The following PTPRG variants were observed in gnomAD, a reference collection of about 807,000 sequenced individuals.
The protein encoded by PTPRG is protein tyrosine phosphatase receptor type G, also known as receptor-type tyrosine-protein phosphatase gamma.
A neutral mutation model predicts 165.3 loss-of-function variants in PTPRG; 102 were observed. That is an observed-to-expected ratio of 0.62 (90% CI 0.53 to 0.73). The LOEUF (loss-of-function observed/expected upper bound fraction) is 0.73. Ranked by LOEUF, PTPRG falls within the 30% of genes least tolerant of loss-of-function variation. The probability of loss-of-function intolerance (pLI) is 0.00; values close to 1 mark genes in which losing one functional copy is unlikely to be tolerated. For synonymous variants in PTPRG, 675 were observed against 669.5 expected, an observed-to-expected ratio of 1.01 and a Z score of -0.13; for missense variants, 1,866 against 1,861.4, an observed-to-expected ratio of 1.00 and a Z score of -0.05.
At chr3:62,285,496 C>A (rs914441697) in intron 28 of PTPRG, among the ~76,000 whole-genome samples, 3 of 111,388 alleles carry the variant, frequency 2.7e-5, no homozygotes, top group African/African-American at 1.1e-4. Flanking sequence ...CTTTTTAACA[C>A]CTACTTTTGG....
intron 19 of PTPRG, 147 bp downstream of exon 19, chr3:62,267,966 C>G (rs1304955876): frequency 2.1e-6 from 2 of 974,204 alleles, no homozygotes; most frequent in Admixed American, 5.4e-5. Context: ...GCTTATGATT[C>G]AGAAGGAAAG....
At chr3:61,692,219 T>A (rs996135974) in intron 1 of PTPRG, among the ~76,000 whole-genome samples, 4 of 152,258 alleles carry the variant, frequency 2.6e-5, no homozygotes, top group African/African-American at 4.8e-5. Flanking sequence ...GCATTCCTTT[T>A]GTTTGGATGC....
chr3:62,181,193 A>G (rs1470648475), intron 8 of PTPRG, among the ~76,000 whole-genome samples: 1 of 152,192 alleles, frequency 6.6e-6, no homozygotes, highest in Non-Finnish European at 1.5e-5. Context: ...ACTTAGGAGA[A>G]TCTGGGGGCA....
intron 1 of PTPRG, among the ~76,000 whole-genome samples, chr3:61,602,280 A>G (rs564743074): frequency 6.6e-6 from 1 of 152,086 alleles, no homozygotes; most frequent in South Asian, 2.1e-4. Flanking sequence ...CATAGCTTAC[A>G]TGTGTTGATT....
At chr3:61,910,030 CT>C (rs1475826058) in intron 2 of PTPRG, among the ~76,000 whole-genome samples, 4 of 152,064 alleles carry the variant, frequency 2.6e-5, no homozygotes, top group Non-Finnish European at 4.4e-5. Context: ...ATATTCCATT[CT>C]TTTTTCCCCA....
At chr3:61,694,770 C>T (rs2030461503) in intron 1 of PTPRG, among the ~76,000 whole-genome samples, 1 of 152,166 alleles carries the variant, frequency 6.6e-6, no homozygotes, top group African/African-American at 2.4e-5. Context: ...GATTTTCCAT[C>T]TATATACTGA....
intron 2 of PTPRG, among the ~76,000 whole-genome samples, chr3:61,906,885 G>C (rs1036826542): frequency 6.6e-6 from 1 of 152,046 alleles, no homozygotes; most frequent in Non-Finnish European, 1.5e-5. Flanking sequence ...TTAAAACGCT[G>C]TCTGACTACT....
chr3:62,163,862 T>A (rs2106720058), intron 7 of PTPRG, among the ~76,000 whole-genome samples: 1 of 152,302 alleles, frequency 6.6e-6, no homozygotes, highest in East Asian at 1.9e-4. Flanking sequence ...TTGACCAAGG[T>A]CACACATTTA....
At position 62,245,397 on chromosome 3, in the gene PTPRG, C is replaced by T. The variant is rs1279014065; in HGVS notation, c.2467+1499C>T. On this transcript the variant is annotated intron_variant, in intron 15 of 29. Transcript: ENST00000474889. This position sits in a 1 kb window ranked among gnomAD's most constrained non-coding sequence, Gnocchi z 4.2. ...AATATGTGTTGACCACTGGAAAATTCCTGGCAGCCTTTCTCCCCTCTGACC... is the reference window on the plus strand; with the variant it reads ...AATATGTGTTGACCACTGGAAAATTTCTGGCAGCCTTTCTCCCCTCTGACC... Among the ~76,000 whole-genome samples the T allele has an allele frequency of 6.6e-6, 1 of 152,186 alleles. No individual in the cohort carries two copies. Among genetic ancestry groups the T allele is most frequent in the Non-Finnish European group, 1.5e-5 (1 of 68,034 alleles).
At chr3:62,004,620 C>T (rs1228813506) in intron 4 of PTPRG, among the ~76,000 whole-genome samples, 1 of 152,202 alleles carries the variant, frequency 6.6e-6, no homozygotes, top group East Asian at 1.9e-4. Context: ...ACTGCAGCAC[C>T]CGATTAAAGC....
intron 2 of PTPRG, among the ~76,000 whole-genome samples, chr3:61,987,384 G>A (rs2040786417): frequency 6.6e-6 from 1 of 152,154 alleles, no homozygotes. Context: ...GTGATAAATT[G>A]TATTTTACCC....
chr3:61,642,817 A>G (rs199654269), intron 1 of PTPRG, among the ~76,000 whole-genome samples: 8 of 152,310 alleles, frequency 5.3e-5, no homozygotes, highest in South Asian at 4.1e-4. Flanking sequence ...GAAATAGACA[A>G]TTGCCATTTT....
chr3:61,899,387 G>C lies in PTPRG; in HGVS notation c.191-90238G>C, dbSNP rs72882263. Among the ~76,000 whole-genome samples, 451 of 152,286 alleles carry C rather than the reference G, an allele frequency of 3.0e-3. 1 individual carries two copies. The highest frequency in any genetic ancestry group is 0.01 in the African/African-American group (422 of 41,554). ...ATATTTTTAGGTAAAAGGAACGTAAGGGAAATATTTTCAGGAAAAAATCCA... is the reference window on the plus strand; with the variant it reads ...ATATTTTTAGGTAAAAGGAACGTAACGGAAATATTTTCAGGAAAAAATCCA... On this transcript the variant is annotated intron_variant, in intron 2 of 29. Transcript: ENST00000474889.
chr3:61,680,847 G>C (rs1471312423), intron 1 of PTPRG, among the ~76,000 whole-genome samples: 1 of 115,452 alleles, frequency 8.7e-6, no homozygotes, highest in African/African-American at 2.9e-5. Context: ...TGTGTAACTT[G>C]CTGGGTGTTG....
chr3:61,725,990 T>C (rs2032240703), intron 1 of PTPRG, among the ~76,000 whole-genome samples: 1 of 152,162 alleles, frequency 6.6e-6, no homozygotes, highest in Non-Finnish European at 1.5e-5. Flanking sequence ...GGTTTTTGCC[T>C]CACTGGTATC....
chr3:61,808,946 A>T (rs1229977768), intron 2 of PTPRG, among the ~76,000 whole-genome samples: 1 of 148,948 alleles, frequency 6.7e-6, no homozygotes, highest in Non-Finnish European at 1.5e-5. Context: ...AATTATTTCT[A>T]CTGAACCTGT....
intron 2 of PTPRG, among the ~76,000 whole-genome samples, chr3:61,902,299 A>G (rs1008827387): frequency 1.3e-5 from 2 of 152,124 alleles, no homozygotes; most frequent in South Asian, 2.1e-4. Flanking sequence ...ACATGCTGAG[A>G]GCTACTTTCC....
chr3:62,191,657 T>TGAA lies in PTPRG; in HGVS notation c.1218+6_1218+8dup. Reference sequence around the variant, plus strand: ...AAAGGACAGCGACAAAGACTTGGTATGAAGCCCCTCCTCTGATTCAGGGTA... The same window carrying TGAA: ...AAAGGACAGCGACAAAGACTTGGTATGAAGAAGCCCCTCCTCTGATTCAGGGTA... On this transcript the variant is annotated splice_donor_region_variant and intron_variant, in intron 9 of 29. Coordinates refer to ENST00000474889, the MANE Select transcript of PTPRG (RefSeq NM_002841.4). 1.2e-6 allele frequency: 2 copies of TGAA among 1,613,468 alleles called. No individual in the cohort carries two copies. The highest frequency in any genetic ancestry group is 1.7e-6 in the Non-Finnish European group (2 of 1,179,476).
intron 15 of PTPRG, among the ~76,000 whole-genome samples, chr3:62,247,318 C>T (rs1381076514): frequency 2.0e-5 from 3 of 152,182 alleles, no homozygotes; most frequent in East Asian, 1.9e-4. Flanking sequence ...TCTTGGCATA[C>T]GACTGTAACA....
Sources: gnomAD v4.1 joint callset for allele counts (sites outside exome capture counted in the v4.1 genomes callset) on GRCh38, gnomAD v4.1.1 for gene constraint, Gnocchi (gnomAD v3.1) non-coding constraint, MANE v1.5 for transcripts, NCBI Gene and HGNC (gene_info 2026-07-23, HGNC 2026-07-21) for gene names.